Variants in TRAF3IP2 observed in about 807,000 individuals in gnomAD.
TRAF3IP2 encodes TRAF3 interacting protein 2, also known as E3 ubiquitin ligase TRAF3IP2.
A neutral mutation model predicts 57.9 loss-of-function variants in TRAF3IP2; 35 were observed. The ratio of observed to expected loss-of-function variants is 0.60; its 90% confidence interval spans 0.46 to 0.80. The LOEUF (loss-of-function observed/expected upper bound fraction) is 0.80. Ranked by LOEUF, TRAF3IP2 falls within the 30% of genes least tolerant of loss-of-function variation. The pLI, the probability that TRAF3IP2 is intolerant of heterozygous loss-of-function variation, is 0.00. For synonymous variants in TRAF3IP2, 251 were observed against 268.9 expected (o/e 0.93, Z 0.65); for missense variants, 556 against 706.4 (o/e 0.79, Z 2.41).
intron 1 of TRAF3IP2, chr6:111,598,059 G>C (rs9487678): frequency 0.082 from 30,566 of 370,722 alleles, 1,403 homozygotes; most frequent in South Asian, 0.099. Context: ...GCAAATCCTG[G>C]GGGGAGAGCG....
chr6:111,597,004 G>C (rs1242339000), intron 1 of TRAF3IP2, among the ~76,000 whole-genome samples: 7 of 152,234 alleles, frequency 4.6e-5, no homozygotes, highest in Non-Finnish European at 1.5e-5. Context: ...TGAATAAATA[G>C]TTGATGCCTA....
chr6:111,568,181 T>C (rs1344595356), intron 5 of TRAF3IP2, among the ~76,000 whole-genome samples: 1 of 152,206 alleles, frequency 6.6e-6, no homozygotes, highest in African/African-American at 2.4e-5. Flanking sequence ...TTTCAATCTA[T>C]ATGTTTCAAA....
intron 2 of TRAF3IP2, among the ~76,000 whole-genome samples, chr6:111,581,595 T>G (rs4947127): frequency 0.34 from 51,359 of 152,028 alleles, 9,479 homozygotes; most frequent in African/African-American, 0.49. Flanking sequence ...GATACATATA[T>G]GGATGTACAG....
At chr6:111,596,889 G>C (rs745571878) in intron 1 of TRAF3IP2, among the ~76,000 whole-genome samples, 1 of 152,228 alleles carries the variant, frequency 6.6e-6, no homozygotes, top group Admixed American at 6.5e-5. Context: ...GAGCCACCAC[G>C]CCTGGCCTGG....
intron 5 of TRAF3IP2, among the ~76,000 whole-genome samples, chr6:111,569,733 G>C (rs1442140851): frequency 6.6e-6 from 1 of 152,154 alleles, no homozygotes; most frequent in Admixed American, 6.5e-5. Context: ...CCTAGCCTGG[G>C]CAACAGAGCA....
At chr6:111,599,475 G>A (rs1267546308) in intron 1 of TRAF3IP2, among the ~76,000 whole-genome samples, 2 of 152,140 alleles carry the variant, frequency 1.3e-5, no homozygotes, top group Non-Finnish European at 2.9e-5. Context: ...TGCTGTCCAT[G>A]TGACAATGCT....
chr6:111,567,490 C>A, intron 6 of TRAF3IP2, 134 bp downstream of exon 6: 1 of 1,322,984 alleles, frequency 7.6e-7, no homozygotes, highest in African/African-American at 1.5e-5. Context: ...CGGCTTCCAA[C>A]AAGGGAGGCT....
rs1230769607 is a variant in TRAF3IP2, at chr6:111,580,257, CA to C, written c.961del (p.Trp321GlyfsTer45). 6.2e-7 allele frequency: 1 copy of C among 1,613,126 alleles called. No homozygotes were observed. Among genetic ancestry groups the C allele is most frequent in the Non-Finnish European group, 8.5e-7 (1 of 1,179,114 alleles). The part of the protein sequence containing the change: ...QKVILNYPSP[W>X]DHEERPAQRD... ...CTGTGCGGGCCTCTCTTCGTGGTCC[CA>C]GGGGCTGGGATAATTCAGGATAACC... is the stretch of plus-strand genomic sequence containing the variant. On this transcript the variant is annotated frameshift_variant, in exon 3 of 9. Transcript: ENST00000368761. LOFTEE classifies it high-confidence loss of function.
In TRAF3IP2 at chr6:111,567,796, A is replaced by G. The variant is rs546966507; in HGVS notation, c.1291-104T>C. ...ATATACATTTAAAGCTCCAAAACTT[A>G]ACTAATGCTTTTTGCAAGAAGGAGC... On this transcript the variant is annotated intron_variant, in intron 5 of 8. Coordinates refer to ENST00000368761, the MANE Select transcript of TRAF3IP2 (RefSeq NM_147686.4). 16 of 842,224 alleles carry G rather than the reference A, an allele frequency of 1.9e-5. No homozygotes were observed. In the East Asian group the frequency reaches 4.9e-4, roughly 26 times the overall value. The allele number at this position is 842,224 out of a possible 1,614,324, so 52.2% of individuals were successfully genotyped here. A position where few individuals can be genotyped will look rare whatever the true frequency, so the allele number is the denominator to read the frequency against.
At chr6:111,595,967 A>AC (rs1250598957) in intron 1 of TRAF3IP2, among the ~76,000 whole-genome samples, 1 of 152,116 alleles carries the variant, frequency 6.6e-6, no homozygotes, top group Non-Finnish European at 1.5e-5. Context: ...AAAACCCACG[A>AC]CCGGCGTCCC....
At chr6:111,572,269 G>A (rs577546816) in intron 5 of TRAF3IP2, among the ~76,000 whole-genome samples, 1 of 152,282 alleles carries the variant, frequency 6.6e-6, no homozygotes, top group African/African-American at 2.4e-5. Flanking sequence ...TGTGTTTCCT[G>A]AGATTTCTGG....
chr6:111,569,648 C>G (rs1795768230), intron 5 of TRAF3IP2, among the ~76,000 whole-genome samples: 1 of 152,066 alleles, frequency 6.6e-6, no homozygotes, highest in South Asian at 2.1e-4. Flanking sequence ...CCCAGTTACT[C>G]AGGAGGCTCA....
chr6:111,599,254 G>A (rs1332398078), intron 1 of TRAF3IP2, among the ~76,000 whole-genome samples: 1 of 152,006 alleles, frequency 6.6e-6, no homozygotes, highest in Non-Finnish European at 1.5e-5. Flanking sequence ...TTTGGACTGT[G>A]AGCTGTGGTT....
At chr6:111,572,738 AATT>A in intron 5 of TRAF3IP2, 154 bp downstream of exon 5, 1 of 660,664 alleles carries the variant, frequency 1.5e-6, no homozygotes, top group Non-Finnish European at 2.6e-6. Flanking sequence ...AAATCTAGAA[AATT>A]ATTACCTAAA....
At chr6:111,589,356 C>T (rs1370082476) in intron 2 of TRAF3IP2, among the ~76,000 whole-genome samples, 2 of 152,170 alleles carry the variant, frequency 1.3e-5, no homozygotes, top group African/African-American at 4.8e-5. Context: ...GGGTGAGCCA[C>T]CGTGCCTGGT....
rs540573573 is a variant in TRAF3IP2 at position 111,555,800 on chromosome 6, A to AGTT, written c.*3602_*3604dup. Among the ~76,000 whole-genome samples the AGTT allele has an allele frequency of 2.0e-5, 3 of 152,168 alleles. No homozygotes were observed. The highest frequency in any genetic ancestry group is 4.4e-5 in the Non-Finnish European group (3 of 68,032). The stretch of plus-strand genomic sequence containing the variant: ...AATCTTATTGTCAGTGCTCTCAAAT[A>AGTT]GTTGTTACAATTCCTTTGATGGGCC... On this transcript the variant is annotated 3_prime_UTR_variant, in exon 9 of 9. Transcript: ENST00000368761.
intron 3 of TRAF3IP2, chr6:111,576,732 G>A (rs1796003910): frequency 6.6e-6 from 1 of 151,974 alleles, no homozygotes; most frequent in South Asian, 2.1e-4. Flanking sequence ...GACTAAAACT[G>A]TCTCTATAAT....
chr6:111,582,501 A>G (rs1355213661), intron 2 of TRAF3IP2, among the ~76,000 whole-genome samples: 1 of 152,144 alleles, frequency 6.6e-6, no homozygotes, highest in East Asian at 1.9e-4. Flanking sequence ...AGAGACTCCT[A>G]TGGTCTAGGA....
chr6:111,562,923 C>G, intron 8 of TRAF3IP2, 42 bp downstream of exon 8: 1 of 1,466,080 alleles, frequency 6.8e-7, no homozygotes, highest in Non-Finnish European at 9.4e-7. Context: ...CAAAGCAAAC[C>G]AAAGATTGAA....
Sources: gnomAD v4.1 joint callset for allele counts (sites outside exome capture counted in the v4.1 genomes callset) on GRCh38, gnomAD v4.1.1 for gene constraint, MANE v1.5 for transcripts, NCBI Gene and HGNC (gene_info 2026-07-23, HGNC 2026-07-21) for gene names.